MCM3AP: variants seen among roughly 807,000 people sequenced by gnomAD.
MCM3AP encodes minichromosome maintenance complex component 3 associated protein.
MCM3AP carries 126 observed loss-of-function variants against 184.1 expected under a neutral mutation model. That is an observed-to-expected ratio of 0.68 (90% CI 0.59 to 0.79). The LOEUF (loss-of-function observed/expected upper bound fraction) is 0.79. Ranked by LOEUF, MCM3AP falls within the 30% of genes least tolerant of loss-of-function variation. MCM3AP has a pLI of 0.00. For missense variants in MCM3AP, 2,496 were observed against 2,479.2 expected (o/e 1.01, Z -0.14); for synonymous variants, 1,002 against 979.3 (o/e 1.02, Z -0.43).
At chr21:46,282,589 G>A (rs1197000790) in intron 2 of MCM3AP, among the ~76,000 whole-genome samples, 1 of 152,120 alleles carries the variant, frequency 6.6e-6, no homozygotes, top group Non-Finnish European at 1.5e-5. Flanking sequence ...CAGATCGTGA[G>A]GTCAGGAGAT....
rs1290312256 is a variant in MCM3AP, at chr21:46,238,283, ATAAT to A, written c.5634-1308_5634-1305del. 1.7e-5 allele frequency among the ~76,000 whole-genome samples: 2 copies of A among 120,486 alleles called. 1 individual carries two copies. The highest frequency in any genetic ancestry group is 6.7e-5 in the African/African-American group (2 of 29,856). 79.0% of individuals were successfully genotyped at this position (120,486 alleles called of 152,430 possible). A position where few individuals can be genotyped will look rare whatever the true frequency, so the allele number is the denominator to read the frequency against. On this transcript the variant is annotated intron_variant, in intron 26 of 27. Transcript: ENST00000291688. ...TAATTTACTTTGGTTTTATGCATCT[ATAAT>A]TAATTCTTCTGACATTTTCCAAATG...
At chr21:46,277,053 G>A (rs2081265636) in intron 5 of MCM3AP, among the ~76,000 whole-genome samples, 1 of 152,130 alleles carries the variant, frequency 6.6e-6, no homozygotes, top group African/African-American at 2.4e-5. Flanking sequence ...GCCCAGCCCG[G>A]CTGAAATTTA....
chr21:46,256,540 CA>C, intron 17 of MCM3AP: 2 of 543,606 alleles, frequency 3.7e-6, no homozygotes, highest in Non-Finnish European at 6.6e-6. Context: ...ACTCAGGCAC[CA>C]GGACGCTGAG....
intron 26 of MCM3AP, among the ~76,000 whole-genome samples, chr21:46,239,205 G>A (rs1165192020): frequency 1.3e-5 from 2 of 152,188 alleles, no homozygotes; most frequent in African/African-American, 2.4e-5. Context: ...TCAGGGCCCT[G>A]GCCACCCCTG....
chr21:46,245,005 T>C lies in MCM3AP; in HGVS notation c.4840A>G (p.Ser1614Gly), dbSNP rs1472424198. The C allele has an allele frequency of 6.2e-6, 10 of 1,614,046 alleles. No individual in the cohort carries two copies. Among genetic ancestry groups the C allele is most frequent in the African/African-American group, 1.3e-5 (1 of 74,916 alleles). The change falls in exon 23 of 28, where the codon AGT (serine) becomes GGT (glycine). Residue 1614 changes from serine (S) to glycine (G), a missense_variant. Ser to Gly is a moderately conservative substitution (Grantham distance 56). Around this residue, in one of 5 missense-constraint regions of MCM3AP, gnomAD observed 1,323 missense variants for 1,273.4 expected, o/e 1.04. Coordinates refer to ENST00000291688, the MANE Select transcript of MCM3AP (RefSeq NM_003906.5). ...ACAGAAGCCAGGAACTGCAGCACAC[T>C]GTTAAACAGCTCAATGATGGCGCCA... ...EPGAIIELFNSVLQFLASVVS... is the reference protein window; with the variant it reads ...EPGAIIELFNGVLQFLASVVS...
intron 20 of MCM3AP, chr21:46,247,152 T>C (rs2080787211): frequency 1.2e-5 from 5 of 418,782 alleles, no homozygotes; most frequent in South Asian, 3.7e-5. Context: ...GGGGGTCTTA[T>C]TATGTTGCCC....
rs377114826 is a variant in MCM3AP, at chr21:46,254,848, C to A, written c.3933-4G>T. ...CTTGTTTCTGAGCCGCCTTAACCTGCAAAGGAAAGCAGAATGACAGTGTCC... is the reference window on the plus strand; with the variant it reads ...CTTGTTTCTGAGCCGCCTTAACCTGAAAAGGAAAGCAGAATGACAGTGTCC... On this transcript the variant is annotated splice_region_variant and splice_polypyrimidine_tract_variant and intron_variant, in intron 17 of 27. Transcript: ENST00000291688. The A allele has an allele frequency of 1.2e-6, 2 of 1,612,944 alleles. No homozygotes were observed. Among genetic ancestry groups the A allele is most frequent in the Non-Finnish European group, 1.7e-6 (2 of 1,178,984 alleles).
At chr21:46,251,391 ATAATACT>A (rs1321457291) in intron 20 of MCM3AP, 131 bp downstream of exon 20, 2 of 675,406 alleles carry the variant, frequency 3.0e-6, no homozygotes, top group African/African-American at 3.6e-5. Context: ...ACGGACAGAC[ATAATACT>A]TGCTTCTGAG....
At position 46,259,067 on chromosome 21, in the gene MCM3AP, C is replaced by T. The variant is rs768314195; in HGVS notation, c.3606G>A (p.Arg1202=). The change falls in exon 16 of 28, where the codon AGG becomes AGA. Residue 1202 remains arginine (R), a synonymous_variant. Transcript: ENST00000291688. Reference sequence around the variant, plus strand: ...CCTCACAGCAACGGGCCACACGGACCCTCTGGTCTGTCTCTACTGCATTCC... The same window carrying T: ...CCTCACAGCAACGGGCCACACGGACTCTCTGGTCTGTCTCTACTGCATTCC... ...ELKNAVETDQ[R]VRVARCCEDV... 6.2e-7 allele frequency: 1 copy of T among 1,613,656 alleles called. No homozygotes were observed. Among genetic ancestry groups the T allele is most frequent in the Non-Finnish European group, 8.5e-7 (1 of 1,179,832 alleles).
At chr21:46,285,624 AG>A, upstream of MCM3AP, 1 of 205,782 alleles carries the variant, frequency 4.9e-6, no homozygotes, top group Admixed American at 5.5e-5. Flanking sequence ...AAAAAAAAAA[AG>A]CCGAATCTTT....
intron 8 of MCM3AP, among the ~76,000 whole-genome samples, chr21:46,272,344 G>A (rs763370530): frequency 1.3e-5 from 2 of 152,092 alleles, no homozygotes; most frequent in Non-Finnish European, 2.9e-5. Flanking sequence ...TGGGGCCTAC[G>A]TCAGATGTGC....
At chr21:46,242,033 T>C (rs1171428463) in intron 25 of MCM3AP, 2 of 152,202 alleles carry the variant, frequency 1.3e-5, no homozygotes, top group East Asian at 1.9e-4. Flanking sequence ...TTTAACATGT[T>C]GTGGATCTAT....
At position 46,277,554 on chromosome 21, in the gene MCM3AP, C is replaced by T; in HGVS notation, c.1831G>A (p.Asp611Asn). ...TGCCGCATGATCCTGTCTCTCTGGTCAAGCAGGCGGTACTTCTCCTTGGAT... is the reference window on the plus strand; with the variant it reads ...TGCCGCATGATCCTGTCTCTCTGGTTAAGCAGGCGGTACTTCTCCTTGGAT... The part of the protein sequence containing the change: ...ETSKEKYRLL[D>N]QRDRIMRQAR... The change falls in exon 5 of 28, where the codon GAC (aspartate) becomes AAC (asparagine). Residue 611 changes from aspartate to asparagine, a missense_variant. By Grantham distance (23) the Asp-to-Asn change is conservative (BLOSUM62 1). Coordinates refer to ENST00000291688, the MANE Select transcript of MCM3AP (RefSeq NM_003906.5). 1 of 1,594,568 alleles carries T rather than the reference C, an allele frequency of 6.3e-7. No individual in the cohort carries two copies. Among genetic ancestry groups the T allele is most frequent in the Non-Finnish European group, 8.5e-7 (1 of 1,171,226 alleles).
At chr21:46,240,777 A>G (rs1254819010) in intron 26 of MCM3AP, 34 bp downstream of exon 26, 6 of 1,593,462 alleles carry the variant, frequency 3.8e-6, no homozygotes, top group Non-Finnish European at 5.2e-6. Flanking sequence ...AAAGCAGACT[A>G]AACACACATG....
At position 46,256,794 on chromosome 21, in the gene MCM3AP, G is replaced by A. The variant is rs757653822; in HGVS notation, c.3927C>T (p.Cys1309=). ...AGGCGACAGCTGATGCTGACCTGGT[G>A]CAGGAGATGCCCAATCTCCCTGCAT... ...LGHAGRLGIS[C]TRLRRLRNKT... Residue 1309 remains cysteine, a synonymous_variant, in exon 17 of 28, where the codon TGC becomes TGT. Coordinates refer to ENST00000291688, the MANE Select transcript of MCM3AP (RefSeq NM_003906.5). 2 of 1,552,232 alleles carry A rather than the reference G, an allele frequency of 1.3e-6. No individual in the cohort carries two copies. Among genetic ancestry groups the A allele is most frequent in the Admixed American group, 3.9e-5 (2 of 51,174 alleles).
rs2081394240 is a variant in MCM3AP, at chr21:46,285,157, T to C, written c.130A>G (p.Thr44Ala). ...GQPSLFGQNS[T>A]LSGKSSGFSQ... ...AATCCCGAGCTCTTCCCAGATAAGGTACTGTTTTGTCCAAAAAGAGAAGGT... is the reference window on the plus strand; with the variant it reads ...AATCCCGAGCTCTTCCCAGATAAGGCACTGTTTTGTCCAAAAAGAGAAGGT... The change falls in exon 1 of 28, where the codon ACC becomes GCC. Residue 44 changes from threonine to alanine, a missense_variant. By Grantham distance (58) the Thr-to-Ala change is moderately conservative. This residue lies in a region of MCM3AP where 800 missense variants were observed against 717.1 expected (regional missense o/e 1.12). Coordinates refer to ENST00000291688, the MANE Select transcript of MCM3AP (RefSeq NM_003906.5). 6.2e-7 allele frequency: 1 copy of C among 1,614,138 alleles called. No homozygotes were observed. The highest frequency in any genetic ancestry group is 1.3e-5 in the African/African-American group (1 of 75,032).
rs760402849 is a variant in MCM3AP at position 46,266,079 on chromosome 21, C to T, written c.2877G>A (p.Thr959=). ...RKSVFITRKL[T]VSVGEIVNGG... is the part of the protein sequence containing the mutation. ...CGTTCACAATTTCCCCGACTGACAC[C>T]GTCAGCTTCCTAGTAATAAACACCG... Residue 959 remains threonine, a synonymous_variant, in exon 11 of 28, where the codon ACG becomes ACA. Coordinates refer to ENST00000291688, the MANE Select transcript of MCM3AP (RefSeq NM_003906.5). 6.5e-5 allele frequency: 105 copies of T among 1,612,230 alleles called. 1 individual carries two copies. The South Asian group carries it at 7.1e-4, about 11-fold the overall frequency.
At chr21:46,249,472 A>C in intron 20 of MCM3AP, 1 of 398,516 alleles carries the variant, frequency 2.5e-6, no homozygotes, top group Non-Finnish European at 5.0e-6. Context: ...TACAGGCATA[A>C]GCCACTATGC....
At chr21:46,241,841 G>C (rs778987787) in intron 25 of MCM3AP, 1 of 152,204 alleles carries the variant, frequency 6.6e-6, no homozygotes, top group Non-Finnish European at 1.5e-5. Context: ...GGGAAACCAG[G>C]AGGTGAGGAG....
Sources: gnomAD v4.1 joint callset for allele counts (sites outside exome capture counted in the v4.1 genomes callset) on GRCh38, gnomAD v4.1.1 for gene constraint, gnomAD v4.1.1 regional missense constraint, MANE v1.5 for transcripts, NCBI Gene and HGNC (gene_info 2026-07-23, HGNC 2026-07-21) for gene names.